LRIG1: variants seen among roughly 807,000 people sequenced by gnomAD.
The protein encoded by LRIG1 is leucine-rich repeats and immunoglobulin-like domains protein 1.
In LRIG1, 48 loss-of-function variants were observed where a neutral mutation model predicts 99.2. That is an observed-to-expected ratio of 0.48 (90% CI 0.38 to 0.62). The LOEUF is 0.62. Ranked by LOEUF, LRIG1 falls within the 20% of genes least tolerant of loss-of-function variation. LRIG1 has a pLI of 0.00. For missense variants in LRIG1, 1,646 were observed against 1,434.4 expected, an observed-to-expected ratio of 1.15 and a Z score of -2.38; for synonymous variants, 772 against 596.1, an observed-to-expected ratio of 1.29 and a Z score of -4.30.
intron 1 of LRIG1, chr3:66,468,993 G>T (rs4856942): frequency 6.6e-6 from 1 of 152,004 alleles, no homozygotes. Context: ...ACCTTTTTTT[G>T]TATTGTGATG....
chr3:66,480,009 A>G (rs1700811832), intron 1 of LRIG1, among the ~76,000 whole-genome samples: 2 of 152,248 alleles, frequency 1.3e-5, no homozygotes, highest in East Asian at 3.8e-4. Context: ...ACTTACGCAC[A>G]AATGTTCACA....
Position 66,495,284 on chromosome 3 carries a change from C to T in LRIG1, c.218+4906G>A, listed in dbSNP as rs78898208. ...CCTGCCTGGGAATTTTTCCTCCACC[C>T]GTCCTCCCTCCTGTCTCAAGACAAT... On this transcript the variant is annotated intron_variant, in intron 1 of 18. Coordinates refer to ENST00000273261, the MANE Select transcript of LRIG1 (RefSeq NM_015541.3). Among the ~76,000 whole-genome samples the T allele has an allele frequency of 6.5e-3, 985 of 152,278 alleles. 14 individuals carry two copies. Among genetic ancestry groups the T allele is most frequent in the African/African-American group, 0.022 (930 of 41,550 alleles).
chr3:66,383,978 G>C lies in LRIG1; in HGVS notation c.2071+13C>G, dbSNP rs1472677734. 2 of 1,489,838 alleles carry C rather than the reference G, an allele frequency of 1.3e-6. No individual in the cohort carries two copies. The highest frequency in any genetic ancestry group is 3.9e-5 in the African/African-American group (2 of 51,544). 92.3% of individuals were successfully genotyped at this position (1,489,838 alleles called of 1,614,324 possible). On this transcript the variant is annotated intron_variant, in intron 14 of 18. Transcript: ENST00000273261. Reference sequence around the variant, plus strand: ...CACACACACACACACACACAGTAGAGCAATAGGCAAACCTAGGACAGTCAG... The same window carrying C: ...CACACACACACACACACACAGTAGACCAATAGGCAAACCTAGGACAGTCAG...
chr3:66,470,611 T>C (rs1456516851), intron 1 of LRIG1, among the ~76,000 whole-genome samples: 3 of 152,174 alleles, frequency 2.0e-5, no homozygotes, highest in East Asian at 3.9e-4. Flanking sequence ...ATATAAACCT[T>C]AGCAAACCCC....
rs1465753622 is a variant in LRIG1 at position 66,470,257 on chromosome 3, G to A, written c.219-7748C>T. 7.2e-5 allele frequency among the ~76,000 whole-genome samples: 11 copies of A among 152,220 alleles called. No individual in the cohort carries two copies. The South Asian group carries it at 1.2e-3, about 17-fold the overall frequency. On this transcript the variant is annotated intron_variant, in intron 1 of 18. Coordinates refer to ENST00000273261, the MANE Select transcript of LRIG1 (RefSeq NM_015541.3). ...TTCACCGGCAGTATCTTCCCAGCCC[G>A]AGATCTGAGTTTGTCATCCCTAGCA... is the stretch of plus-strand genomic sequence containing the variant.
intron 3 of LRIG1, among the ~76,000 whole-genome samples, chr3:66,448,582 A>G (rs1703799708): frequency 6.6e-6 from 1 of 152,186 alleles, no homozygotes; most frequent in Non-Finnish European, 1.5e-5. Context: ...TCATCTGAGA[A>G]AAAAAGTAAC....
Position 66,381,663 on chromosome 3 carries a change from C to G in LRIG1, c.2618-32G>C, listed in dbSNP as rs368183787. 1.4e-4 allele frequency: 225 copies of G among 1,602,382 alleles called. No individual in the cohort carries two copies. The African/African-American group carries it at 2.1e-3, about 15-fold the overall frequency. On this transcript the variant is annotated intron_variant, in intron 16 of 18. Transcript: ENST00000273261. ...GTGGATTCCAACACGATTAGAAACT[C>G]TGGGCTTGGTATTTCACAGTAAGCC...
At chr3:66,389,166 G>C (rs573847779) in intron 12 of LRIG1, among the ~76,000 whole-genome samples, 4 of 152,214 alleles carry the variant, frequency 2.6e-5, no homozygotes, top group South Asian at 4.1e-4. Context: ...ATTTGAACTA[G>C]ATTGTTGTAA....
intron 1 of LRIG1, among the ~76,000 whole-genome samples, chr3:66,495,362 G>A (rs377018486): frequency 3.9e-5 from 6 of 152,020 alleles, no homozygotes; most frequent in African/African-American, 1.2e-4. Flanking sequence ...ATATTAACAC[G>A]GCCCAGAGTT....
intron 11 of LRIG1, among the ~76,000 whole-genome samples, chr3:66,396,848 A>G (rs745694568): frequency 6.6e-6 from 1 of 152,196 alleles, no homozygotes; most frequent in Non-Finnish European, 1.5e-5. Context: ...TCTACAACCA[A>G]TGTTTCATTC....
intron 2 of LRIG1, among the ~76,000 whole-genome samples, chr3:66,456,600 T>C (rs1575705925): frequency 6.9e-6 from 1 of 145,608 alleles, no homozygotes; most frequent in Non-Finnish European, 1.5e-5. Context: ...AAAGTGATAG[T>C]AATTCACAGC....
chr3:66,460,321 G>C (rs927386774), intron 2 of LRIG1, among the ~76,000 whole-genome samples: 1 of 152,188 alleles, frequency 6.6e-6, no homozygotes, highest in Non-Finnish European at 1.5e-5. Flanking sequence ...AGACAGCTTG[G>C]ATCAGGGAAA....
intron 4 of LRIG1, among the ~76,000 whole-genome samples, chr3:66,415,670 G>A (rs1015167186): frequency 1.3e-5 from 2 of 152,312 alleles, no homozygotes; most frequent in Middle Eastern, 3.4e-3. Flanking sequence ...CACTTACAGC[G>A]TGATTAAGTC....
At chr3:66,471,029 C>A (rs1019683281) in intron 1 of LRIG1, among the ~76,000 whole-genome samples, 2 of 152,174 alleles carry the variant, frequency 1.3e-5, no homozygotes, top group Non-Finnish European at 2.9e-5. Context: ...GGCGCTCCAA[C>A]ACACCAGCTC....
intron 3 of LRIG1, among the ~76,000 whole-genome samples, chr3:66,421,200 C>T (rs1015858638): frequency 6.6e-6 from 1 of 152,152 alleles, no homozygotes; most frequent in Non-Finnish European, 1.5e-5. Flanking sequence ...CCCCTGGCCC[C>T]TCCCAAATCT....
At chr3:66,387,349 G>A (rs1346556801) in intron 12 of LRIG1, 5 of 152,060 alleles carry the variant, frequency 3.3e-5, no homozygotes, top group Non-Finnish European at 5.9e-5. Context: ...TGTCACCTGT[G>A]GCTGAGCATG....
intron 1 of LRIG1, among the ~76,000 whole-genome samples, chr3:66,472,768 C>G (rs1344988418): frequency 6.6e-6 from 1 of 152,118 alleles, no homozygotes; most frequent in African/African-American, 2.4e-5. Context: ...CTGGGTGCGA[C>G]AGACACAGAT....
chr3:66,469,704 G>A (rs1348122593), intron 1 of LRIG1, among the ~76,000 whole-genome samples: 1 of 152,158 alleles, frequency 6.6e-6, no homozygotes, highest in Non-Finnish European at 1.5e-5. Flanking sequence ...ATACTGCACT[G>A]TGATAAACTG....
chr3:66,445,719 G>T (rs1013829428), intron 3 of LRIG1, among the ~76,000 whole-genome samples: 1 of 152,174 alleles, frequency 6.6e-6, no homozygotes, highest in Non-Finnish European at 1.5e-5. Context: ...CCTTTCTTCA[G>T]GAGATGCAAC....
Sources: gnomAD v4.1 joint callset for allele counts (sites outside exome capture counted in the v4.1 genomes callset) on GRCh38, gnomAD v4.1.1 for gene constraint, MANE v1.5 for transcripts, NCBI Gene and HGNC (gene_info 2026-07-23, HGNC 2026-07-21) for gene names.